FHIT: variants seen among roughly 807,000 people sequenced by gnomAD.
The protein encoded by FHIT is bis(5'-adenosyl)-triphosphatase.
FHIT carries 19 observed loss-of-function variants against 17.9 expected under a neutral mutation model. That is an observed-to-expected ratio of 1.06 (90% confidence interval 0.74 to 1.56). The LOEUF (loss-of-function observed/expected upper bound fraction) is 1.56, where lower values mean the gene tolerates loss of function less well. Ranked by LOEUF, FHIT falls within the 40% of genes most tolerant of loss-of-function variation. The pLI, the probability that FHIT is intolerant of heterozygous loss-of-function variation, is 0.00. For missense variants in FHIT, 248 were observed against 189.2 expected (o/e 1.31, Z -1.82); for synonymous variants, 81 against 69.7 (o/e 1.16, Z -0.81).
At chr3:60,446,857 A>AAATAATAATAAT (rs144268974) in intron 5 of FHIT, among the ~76,000 whole-genome samples, 2 of 139,038 alleles carry the variant, frequency 1.4e-5, no homozygotes, top group Non-Finnish European at 3.1e-5. Flanking sequence ...TATCTCATTA[A>AAATAATAATAAT]AATAATAATA....
At chr3:60,923,670 G>A (rs528109900) in intron 3 of FHIT, among the ~76,000 whole-genome samples, 1 of 152,274 alleles carries the variant, frequency 6.6e-6, no homozygotes, top group African/African-American at 2.4e-5. Flanking sequence ...TTCCAACTGA[G>A]GTACCAGGTT....
chr3:60,227,135 T>C (rs1276021597), intron 5 of FHIT, among the ~76,000 whole-genome samples: 1 of 152,072 alleles, frequency 6.6e-6, no homozygotes, highest in East Asian at 1.9e-4. Context: ...TAACACCTGT[T>C]AGAAAAATGG....
chr3:60,632,301 A>G (rs987855614), intron 4 of FHIT, among the ~76,000 whole-genome samples: 7 of 152,178 alleles, frequency 4.6e-5, no homozygotes, highest in African/African-American at 9.6e-5. Flanking sequence ...CACAGGGAAT[A>G]GAAGGATCAG....
intron 2 of FHIT, among the ~76,000 whole-genome samples, chr3:61,184,912 T>A (rs900334312): frequency 6.6e-6 from 1 of 152,126 alleles, no homozygotes; most frequent in South Asian, 2.1e-4. Context: ...ATCTAAGAAC[T>A]CTAGAAAGAA....
At chr3:60,219,708 T>A (rs1703870965) in intron 5 of FHIT, among the ~76,000 whole-genome samples, 1 of 152,156 alleles carries the variant, frequency 6.6e-6, no homozygotes, top group Admixed American at 6.6e-5. Context: ...CTGTTTCTCC[T>A]CAAAGCTTTG....
intron 4 of FHIT, among the ~76,000 whole-genome samples, chr3:60,691,151 G>A (rs554995397): frequency 9.2e-5 from 14 of 152,010 alleles, no homozygotes; most frequent in African/African-American, 2.7e-4. Context: ...TTGTTTGTTC[G>A]TTGTGCTCCG....
chr3:60,716,707 A>G (rs1223176392), intron 4 of FHIT, among the ~76,000 whole-genome samples: 1 of 152,244 alleles, frequency 6.6e-6, no homozygotes, highest in Non-Finnish European at 1.5e-5. Context: ...TGTTATCATT[A>G]TCAAGTATTA....
At chr3:60,552,206 T>C (rs549551229) in intron 4 of FHIT, among the ~76,000 whole-genome samples, 14 of 152,234 alleles carry the variant, frequency 9.2e-5, no homozygotes, top group Non-Finnish European at 1.3e-4. Flanking sequence ...ATTGTATGTA[T>C]ACACCACATG....
chr3:60,130,592 ACACTGGG>A (rs1699499776), intron 5 of FHIT, among the ~76,000 whole-genome samples: 1 of 152,136 alleles, frequency 6.6e-6, no homozygotes, highest in African/African-American at 2.4e-5. Flanking sequence ...AAAAATGAAA[ACACTGGG>A]CATGTGACCT....
At chr3:60,153,009 C>G (rs1389200201) in intron 5 of FHIT, among the ~76,000 whole-genome samples, 1 of 152,144 alleles carries the variant, frequency 6.6e-6, no homozygotes, top group African/African-American at 2.4e-5. Context: ...TGCTGCTTAA[C>G]CAAGAGTCAA....
At chr3:60,316,007 GACTA>G (rs748777041) in intron 5 of FHIT, among the ~76,000 whole-genome samples, 38 of 152,060 alleles carry the variant, frequency 2.5e-4, no homozygotes, top group Non-Finnish European at 4.4e-4. Flanking sequence ...GACCTTTCCT[GACTA>G]ACTACACAAT....
chr3:59,758,096 G>A (rs1415304208), intron 8 of FHIT, among the ~76,000 whole-genome samples: 3 of 152,180 alleles, frequency 2.0e-5, no homozygotes, highest in Non-Finnish European at 2.9e-5. Flanking sequence ...GGCAGGGGGA[G>A]ACAAAATAAT....
intron 1 of FHIT, among the ~76,000 whole-genome samples, chr3:61,249,933 A>AACACACACACACACACAC (rs71100943): frequency 1.6e-5 from 2 of 126,048 alleles, no homozygotes; most frequent in Non-Finnish European, 3.4e-5. Context: ...AATCAATAAC[A>AACACACACACACACACAC]ACACACACAC....
At chr3:60,227,919 A>G in intron 5 of FHIT, among the ~76,000 whole-genome samples, 1 of 152,156 alleles carries the variant, frequency 6.6e-6, no homozygotes. Context: ...AAAGTGAACC[A>G]TTTTAAAAAG....
intron 2 of FHIT, among the ~76,000 whole-genome samples, chr3:61,108,797 A>C (rs1204322338): frequency 6.6e-6 from 1 of 152,194 alleles, no homozygotes; most frequent in Non-Finnish European, 1.5e-5. Flanking sequence ...AGCCATAGCT[A>C]GGCTATCAAA....
chr3:60,923,922 G>A (rs575372629), intron 3 of FHIT, among the ~76,000 whole-genome samples: 1 of 152,336 alleles, frequency 6.6e-6, no homozygotes, highest in East Asian at 1.9e-4. Flanking sequence ...TCCTGCACCT[G>A]GCTAGGAGGG....
At chr3:59,988,832 G>A (rs1709101203) in intron 7 of FHIT, among the ~76,000 whole-genome samples, 1 of 152,232 alleles carries the variant, frequency 6.6e-6, no homozygotes, top group Admixed American at 6.5e-5. Flanking sequence ...ATAGGGGAAT[G>A]CAGTTAGGGC....
chr3:60,416,691 T>C (rs1007017290), intron 5 of FHIT, among the ~76,000 whole-genome samples: 10 of 152,128 alleles, frequency 6.6e-5, no homozygotes, highest in Non-Finnish European at 2.9e-5. Flanking sequence ...GCAGGCATGA[T>C]TTGGCTTAGC....
chr3:60,205,579 A>G (rs567064557), intron 5 of FHIT, among the ~76,000 whole-genome samples: 3 of 152,288 alleles, frequency 2.0e-5, no homozygotes, highest in Admixed American at 6.5e-5. Context: ...TTGCCTGAGG[A>G]GGATTCTGGG....
Sources: allele counts gnomAD v4.1 joint callset (sites outside exome capture counted in the v4.1 genomes callset), GRCh38; gene constraint gnomAD v4.1.1; transcripts MANE v1.5; gene names NCBI Gene and HGNC (gene_info 2026-07-23, HGNC 2026-07-21).